Variants in MYH15 observed in about 807,000 individuals in gnomAD.
The protein encoded by MYH15 is myosin heavy chain 15, also known as myosin-15.
In MYH15, 227 loss-of-function variants were observed where a neutral mutation model predicts 240.5. The observed-to-expected ratio is 0.94, with a 90% CI of 0.85 to 1.05. The LOEUF (loss-of-function observed/expected upper bound fraction) is 1.05. Ranked by LOEUF, MYH15 falls within the 50% of genes least tolerant of loss-of-function variation. MYH15 has a pLI of 0.00. For synonymous variants in MYH15, 785 were observed against 796.7 expected (o/e 0.99, Z 0.25); for missense variants, 2,217 against 2,247.5 (o/e 0.99, Z 0.27).
Position 108,516,026 on chromosome 3 carries a change from A to T in MYH15, c.-57-5439T>A, listed in dbSNP as rs1470744324. Among the ~76,000 whole-genome samples, 3 of 152,306 alleles carry T rather than the reference A, an allele frequency of 2.0e-5. No individual in the cohort carries two copies. The East Asian group carries it at 5.8e-4, about 29-fold the overall frequency. ...CTCTTTCAATCAGAGCTAGACAATA[A>T]ATATGGGGATGAGGGGGTGCAGAAA... On this transcript the variant is annotated intron_variant, in intron 1 of 41. Coordinates refer to the MYH15 transcript ENST00000273353.
At chr3:108,397,477 T>C (rs2082470593) in intron 35 of MYH15, among the ~76,000 whole-genome samples, 1 of 152,206 alleles carries the variant, frequency 6.6e-6, no homozygotes, top group Non-Finnish European at 1.5e-5. Flanking sequence ...TGCTATATCA[T>C]TATACTTTTA....
chr3:108,439,929 G>A lies in MYH15; in HGVS notation c.2899-16C>T, dbSNP rs2082872396. On this transcript the variant is annotated splice_polypyrimidine_tract_variant and intron_variant, in intron 23 of 40. Coordinates refer to ENST00000693548, the MANE Select transcript of MYH15 (RefSeq NM_014981.3). Reference sequence around the variant, plus strand: ...AGTTCTTGACCTGTGGGAAGAAGATGACAGCTTCATTAAAGCCACTGCTGG... The same window carrying A: ...AGTTCTTGACCTGTGGGAAGAAGATAACAGCTTCATTAAAGCCACTGCTGG... The A allele has an allele frequency of 1.9e-6, 3 of 1,543,704 alleles. No homozygotes were observed. The highest frequency in any genetic ancestry group is 1.4e-5 in the African/African-American group (1 of 72,812).
At chr3:108,446,026 G>A (rs1223555709) in intron 21 of MYH15, among the ~76,000 whole-genome samples, 2 of 152,064 alleles carry the variant, frequency 1.3e-5, no homozygotes, top group Non-Finnish European at 2.9e-5. Flanking sequence ...TTCCAGGCCT[G>A]CCCCAGTGCC....
intron 11 of MYH15, among the ~76,000 whole-genome samples, chr3:108,476,762 A>G (rs374779176): frequency 9.9e-5 from 15 of 152,180 alleles, no homozygotes; most frequent in Non-Finnish European, 1.8e-4. Context: ...AAGGAAAAAG[A>G]AAATATAATG....
intron 37 of MYH15, among the ~76,000 whole-genome samples, chr3:108,391,304 T>C (rs1338998436): frequency 2.0e-5 from 3 of 152,222 alleles, no homozygotes; most frequent in African/African-American, 7.2e-5. Flanking sequence ...ATCATTTCTG[T>C]CAGTCCTTAC....
intron 29 of MYH15, among the ~76,000 whole-genome samples, chr3:108,415,561 G>C (rs2082626323): frequency 6.6e-6 from 1 of 152,108 alleles, no homozygotes; most frequent in South Asian, 2.1e-4. Context: ...GAGCCCAAAA[G>C]AAATAAGGGG....
intron 21 of MYH15, 22 bp from the exon 22 acceptor site, chr3:108,444,917 A>G: frequency 6.3e-7 from 1 of 1,586,330 alleles, no homozygotes; most frequent in Middle Eastern, 1.7e-4. Flanking sequence ...AAGAAAAAAG[A>G]AAAGCAAGTT....
At chr3:108,547,485 C>G in the MYH15 span, among the ~76,000 whole-genome samples, 2 of 151,570 alleles carry the variant, frequency 1.3e-5, no homozygotes, top group Non-Finnish European at 1.5e-5. Context: ...AGGCAATTCT[C>G]AAATTAGGGG....
chr3:108,399,307 T>C, intron 33 of MYH15, 40 bp from the exon 34 acceptor site: 2 of 1,487,638 alleles, frequency 1.3e-6, no homozygotes, highest in Admixed American at 1.8e-5. Context: ...AAATGACACA[T>C]CCAAATTAAT....
At chr3:108,455,639 G>A (rs1421562723) in intron 20 of MYH15, 97 bp downstream of exon 20, 3 of 1,368,020 alleles carry the variant, frequency 2.2e-6, no homozygotes, top group African/African-American at 1.4e-5. Flanking sequence ...CATGAGAGCT[G>A]AAGAATGCCT....
chr3:108,501,083 G>T (rs2083433491), intron 3 of MYH15, among the ~76,000 whole-genome samples: 1 of 152,184 alleles, frequency 6.6e-6, no homozygotes, highest in African/African-American at 2.4e-5. Context: ...TGGTAGTTTT[G>T]TTACAGCATC....
chr3:108,410,873 C>G lies in MYH15; in HGVS notation c.4205G>C (p.Arg1402Thr), dbSNP rs1456831437. ...AAEAMGVANA[R>T]NASLERARHQ... ...CCTGGCTCTCTCCAAGGAGGCATTT[C>G]TGGCATTGGCCACCCCCATGGCTTC... Residue 1402 changes from arginine (R) to threonine (T), a missense_variant, in exon 31 of 41, where the codon AGA becomes ACA. Arg to Thr is a moderately conservative substitution (Grantham distance 71). Coordinates refer to ENST00000693548, the MANE Select transcript of MYH15 (RefSeq NM_014981.3). The G allele has an allele frequency of 9.9e-6, 16 of 1,611,930 alleles. No individual in the cohort carries two copies. Among genetic ancestry groups the G allele is most frequent in the Middle Eastern group, 1.6e-4 (1 of 6,078 alleles).
intron 29 of MYH15, among the ~76,000 whole-genome samples, chr3:108,416,440 G>C (rs1041932025): frequency 3.3e-5 from 5 of 152,088 alleles, no homozygotes; most frequent in African/African-American, 1.2e-4. Flanking sequence ...ATAATTTATT[G>C]ACAATTTAAA....
intron 12 of MYH15, among the ~76,000 whole-genome samples, chr3:108,475,661 T>G (rs2083213894): frequency 6.6e-6 from 1 of 152,214 alleles, no homozygotes; most frequent in Non-Finnish European, 1.5e-5. Context: ...TGTATTGCAC[T>G]TGATGTAAGA....
At position 108,455,448 on chromosome 3, in the gene MYH15, C is replaced by T. The variant is rs111982815; in HGVS notation, c.2262+288G>A. Among the ~76,000 whole-genome samples the T allele has an allele frequency of 7.9e-5, 12 of 152,330 alleles. 1 individual carries two copies. The highest frequency in any genetic ancestry group is 2.6e-4 in the African/African-American group (11 of 41,578). On this transcript the variant is annotated intron_variant, in intron 20 of 40. Coordinates refer to ENST00000693548, the MANE Select transcript of MYH15 (RefSeq NM_014981.3). ...TCACTTTTTCTAGCTCTGATATATACACATTTTCTCATAACATCAGGTTGA... is the reference window on the plus strand; with the variant it reads ...TCACTTTTTCTAGCTCTGATATATATACATTTTCTCATAACATCAGGTTGA...
At chr3:108,485,426 G>C (rs112559868) in intron 10 of MYH15, among the ~76,000 whole-genome samples, 197 bp from the exon 11 acceptor site, 195 of 152,286 alleles carry the variant, frequency 1.3e-3, no homozygotes, top group African/African-American at 4.5e-3. Flanking sequence ...GAATTAGGAA[G>C]GCACAAGACT....
chr3:108,455,261 C>A (rs1045823148), intron 20 of MYH15, among the ~76,000 whole-genome samples: 7 of 152,138 alleles, frequency 4.6e-5, no homozygotes, highest in African/African-American at 1.4e-4. Context: ...TAGGGAATCA[C>A]ATTTAAGGAA....
chr3:108,518,808 C>A (rs919557505), intron 1 of MYH15, among the ~76,000 whole-genome samples: 2 of 152,196 alleles, frequency 1.3e-5, no homozygotes, highest in African/African-American at 4.8e-5. Flanking sequence ...TCTCTAGGTT[C>A]GTTCTGTCAG....
At chr3:108,482,899 T>C (rs1252295697) in intron 11 of MYH15, among the ~76,000 whole-genome samples, 1 of 152,088 alleles carries the variant, frequency 6.6e-6, no homozygotes, top group Non-Finnish European at 1.5e-5. Flanking sequence ...TCCAAAATTA[T>C]TTGTTGCACA....
Sources: allele counts gnomAD v4.1 joint callset (sites outside exome capture counted in the v4.1 genomes callset), GRCh38; gene constraint gnomAD v4.1.1; transcripts MANE v1.5; gene names NCBI Gene and HGNC (gene_info 2026-07-23, HGNC 2026-07-21).